MALRD1: variants seen among roughly 807,000 people sequenced by gnomAD.
MALRD1 encodes the protein MAM and LDL receptor class A domain containing 1, also known as MAM and LDL-receptor class A domain-containing protein 1.
MALRD1 carries 247 observed loss-of-function variants against 242.1 expected under a neutral mutation model. The observed-to-expected ratio is 1.02, with a 90% CI of 0.92 to 1.13. The LOEUF is 1.13. Ranked by LOEUF, MALRD1 falls within the 50% of genes most tolerant of loss-of-function variation. The pLI is 0.00. For missense variants in MALRD1, 2,989 were observed against 2,533.1 expected (o/e 1.18, Z -3.86); for synonymous variants, 995 against 866.6 (o/e 1.15, Z -2.60).
chr10:19,275,629 A>C (rs1198580424), intron 19 of MALRD1, among the ~76,000 whole-genome samples: 1 of 152,160 alleles, frequency 6.6e-6, no homozygotes, highest in Non-Finnish European at 1.5e-5. Flanking sequence ...AGATCGCGAC[A>C]CTGCACTCCA....
At chr10:19,732,403 G>A (rs1212556940) in intron 39 of MALRD1, among the ~76,000 whole-genome samples, 2 of 152,058 alleles carry the variant, frequency 1.3e-5, no homozygotes, top group East Asian at 3.9e-4. Context: ...GCTGGGATTA[G>A]AGGCGCCTGC....
At chr10:19,202,958 A>T (rs1419490378) in intron 14 of MALRD1, among the ~76,000 whole-genome samples, 1 of 152,156 alleles carries the variant, frequency 6.6e-6, no homozygotes, top group African/African-American at 2.4e-5. Flanking sequence ...CTTCTTTTGT[A>T]AAATAACAAC....
chr10:19,224,166 A>C (rs1013934695), intron 18 of MALRD1, among the ~76,000 whole-genome samples: 14 of 152,156 alleles, frequency 9.2e-5, no homozygotes, highest in Non-Finnish European at 1.6e-4. Context: ...TCCCACCAAC[A>C]GTGTAAAAGC....
intron 36 of MALRD1, among the ~76,000 whole-genome samples, chr10:19,671,583 A>C (rs551452892): frequency 6.6e-6 from 1 of 151,872 alleles, no homozygotes; most frequent in Admixed American, 6.6e-5. Flanking sequence ...GCACCACTGC[A>C]CTCCAGCACT....
chr10:19,432,396 A>G (rs1834169948), intron 28 of MALRD1, among the ~76,000 whole-genome samples: 1 of 152,208 alleles, frequency 6.6e-6, no homozygotes, highest in Non-Finnish European at 1.5e-5. Context: ...ATTATTTTTT[A>G]CCTATATCAG....
chr10:19,608,447 A>T (rs1838739315), intron 35 of MALRD1, among the ~76,000 whole-genome samples: 1 of 152,028 alleles, frequency 6.6e-6, no homozygotes, highest in African/African-American at 2.4e-5. Context: ...CTTTTATCAA[A>T]ACTGCTTTAA....
At chr10:19,457,649 A>T (rs1322692415) in intron 29 of MALRD1, among the ~76,000 whole-genome samples, 2 of 151,224 alleles carry the variant, frequency 1.3e-5, no homozygotes, top group Admixed American at 1.3e-4. Context: ...TTCCTAGCAC[A>T]TTCTGAGTTT....
At chr10:19,498,424 AG>A in intron 30 of MALRD1, 60 bp from the exon 31 acceptor site, 1 of 1,395,670 alleles carries the variant, frequency 7.2e-7, no homozygotes. Flanking sequence ...TCCCAAATAT[AG>A]GGTAGTAGCA....
At chr10:19,456,151 G>C (rs987287735) in intron 29 of MALRD1, among the ~76,000 whole-genome samples, 1 of 151,824 alleles carries the variant, frequency 6.6e-6, no homozygotes, top group Admixed American at 6.6e-5. Context: ...TTTGACAGTA[G>C]CTACTCAATC....
chr10:19,576,966 T>A (rs1409015289), intron 33 of MALRD1, among the ~76,000 whole-genome samples: 1 of 27,264 alleles, frequency 3.7e-5, no homozygotes, highest in Non-Finnish European at 7.0e-5. Context: ...ACATTGTCGT[T>A]TTTTTTTTTT....
chr10:19,246,398 G>C (rs561806001), intron 18 of MALRD1, among the ~76,000 whole-genome samples: 176 of 152,236 alleles, frequency 1.2e-3, no homozygotes, highest in Non-Finnish European at 1.6e-3. Flanking sequence ...ATACCCAGAG[G>C]GGGAGACACC....
intron 12 of MALRD1, among the ~76,000 whole-genome samples, chr10:19,155,665 G>A (rs891858512): frequency 1.3e-5 from 2 of 152,158 alleles, no homozygotes; most frequent in African/African-American, 4.8e-5. Context: ...CTTGGTTCAA[G>A]TCTCTTTTGC....
chr10:19,305,909 C>A (rs1233149258), intron 21 of MALRD1, among the ~76,000 whole-genome samples: 2 of 124,376 alleles, frequency 1.6e-5, no homozygotes, highest in African/African-American at 3.1e-5. Context: ...ATACTATATA[C>A]TATATTATAT....
chr10:19,580,356 T>G (rs1837050553), intron 33 of MALRD1, among the ~76,000 whole-genome samples: 1 of 152,086 alleles, frequency 6.6e-6, no homozygotes, highest in African/African-American at 2.4e-5. Context: ...GACGTTCTGT[T>G]TCTTCAGATC....
At chr10:19,296,095 G>C (rs376193790) in intron 21 of MALRD1, among the ~76,000 whole-genome samples, 1 of 152,020 alleles carries the variant, frequency 6.6e-6, no homozygotes, top group Non-Finnish European at 1.5e-5. Flanking sequence ...ATTTTATAAA[G>C]CACTGCAAGG....
chr10:19,101,031 C>A (rs1836230755), intron 4 of MALRD1, among the ~76,000 whole-genome samples: 1 of 151,858 alleles, frequency 6.6e-6, no homozygotes. Flanking sequence ...AACTATGTTA[C>A]AATAGCAGTA....
chr10:19,560,078 G>A (rs2131434806), intron 32 of MALRD1, among the ~76,000 whole-genome samples: 1 of 152,310 alleles, frequency 6.6e-6, no homozygotes, highest in East Asian at 1.9e-4. Context: ...AAGACAGTGT[G>A]GTGATTCTTC....
At chr10:19,509,132 C>A (rs1363905178) in intron 31 of MALRD1, among the ~76,000 whole-genome samples, 1 of 152,008 alleles carries the variant, frequency 6.6e-6, no homozygotes, top group Non-Finnish European at 1.5e-5. Context: ...AATAATTAAA[C>A]ATTATTAAAA....
intron 19 of MALRD1, among the ~76,000 whole-genome samples, chr10:19,273,685 T>C (rs186040225): frequency 6.6e-6 from 1 of 152,242 alleles, no homozygotes; most frequent in African/African-American, 2.4e-5. Context: ...AGCAAAACTA[T>C]GGAGATAGTA....
Sources: gnomAD v4.1 joint callset for allele counts (sites outside exome capture counted in the v4.1 genomes callset) on GRCh38, gnomAD v4.1.1 for gene constraint, MANE v1.5 for transcripts, NCBI Gene and HGNC (gene_info 2026-07-23, HGNC 2026-07-21) for gene names.